The following POLI variants were observed in gnomAD, a reference collection of about 807,000 sequenced individuals.
POLI encodes DNA polymerase iota.
In POLI, 58 loss-of-function variants were observed where a neutral mutation model predicts 51.6. The ratio of observed to expected loss-of-function variants is 1.12; its 90% CI spans 0.91 to 1.40. POLI has a LOEUF of 1.40. Ranked by LOEUF, POLI falls within the 40% of genes most tolerant of loss-of-function variation. The probability of loss-of-function intolerance (pLI) is 0.00; values close to 1 mark genes in which losing one functional copy is unlikely to be tolerated. For missense variants in POLI, 921 were observed against 871.3 expected (o/e 1.06, Z -0.72); for synonymous variants, 322 against 299.7 (o/e 1.07, Z -0.77).
chr18:54,278,958 A>G (rs912200040), intron 4 of POLI, among the ~76,000 whole-genome samples: 1 of 152,244 alleles, frequency 6.6e-6, no homozygotes, highest in Admixed American at 6.5e-5. Flanking sequence ...CACAGTTTCT[A>G]GAATACATGG....
intron 7 of POLI, among the ~76,000 whole-genome samples, chr18:54,285,013 A>C (rs1362255033): frequency 6.6e-6 from 1 of 152,232 alleles, no homozygotes; most frequent in African/African-American, 2.4e-5. Context: ...AGGAGGACTA[A>C]CTGTATTTAG....
At chr18:54,285,521 A>AGT (rs61280100) in intron 7 of POLI, among the ~76,000 whole-genome samples, 23,429 of 144,532 alleles carry the variant, frequency 0.16, 2,001 homozygotes, top group Admixed American at 0.21. Context: ...AAATTACAGG[A>AGT]GTGTGTGTGT....
At chr18:54,313,986 T>C (rs1472525420) in intron 3 of POLI, among the ~76,000 whole-genome samples, 1 of 152,164 alleles carries the variant, frequency 6.6e-6, no homozygotes. Flanking sequence ...TCCAGTACTG[T>C]TGATTAGGAG....
chr18:54,304,301 G>T (rs1220745013), intron 3 of POLI, among the ~76,000 whole-genome samples: 1 of 152,102 alleles, frequency 6.6e-6, no homozygotes, highest in Non-Finnish European at 1.5e-5. Flanking sequence ...GGGTCAAATG[G>T]TATTTCTAGT....
intron 2 of POLI, 62 bp downstream of exon 2, chr18:54,271,547 C>A: frequency 9.1e-7 from 1 of 1,097,664 alleles, no homozygotes; most frequent in South Asian, 1.6e-5. Context: ...TCATCATGCT[C>A]ATTATATACT....
chr18:54,295,647 A>C lies in POLI; in HGVS notation c.*1180A>C. On this transcript the variant is annotated 3_prime_UTR_variant, in exon 10 of 10. Transcript: ENST00000579534. ...TCTTTTCTTTCTTTTTTTGTTTTGG[A>C]GACAGAGTCTCACTCTGTCGCCCAG... 1.9e-6 allele frequency: 1 copy of C among 520,016 alleles called. No homozygotes were observed. Among genetic ancestry groups the C allele is most frequent in the Non-Finnish European group, 2.5e-6 (1 of 405,744 alleles). The allele number at this position is 520,016 out of a possible 1,614,324, so 32.2% of individuals were successfully genotyped here.
At chr18:54,272,296 G>A (rs933916234) in intron 2 of POLI, 9 of 152,106 alleles carry the variant, frequency 5.9e-5, no homozygotes, top group African/African-American at 1.7e-4. Context: ...TAGAATCAGG[G>A]GACCTAAGTT....
chr18:54,271,588 G>T lies in POLI; in HGVS notation c.241+103G>T, dbSNP rs1299924425. The T allele has an allele frequency of 7.2e-6, 6 of 837,360 alleles. No homozygotes were observed. The African/African-American group carries it at 1.0e-4, about 14-fold the overall frequency. 51.9% of individuals were successfully genotyped at this position (837,360 alleles called of 1,614,324 possible). On this transcript the variant is annotated intron_variant, in intron 2 of 9. Coordinates refer to ENST00000579534, the MANE Select transcript of POLI (RefSeq NM_007195.3). ...ATTAACCTTATTAAGAAAGATTTTG[G>T]AAGCAGTTCTTACAGTGCTTTATAG...
chr18:54,274,723 A>G (rs1489772382), intron 3 of POLI, among the ~76,000 whole-genome samples: 4 of 152,164 alleles, frequency 2.6e-5, no homozygotes, highest in Non-Finnish European at 2.9e-5. Context: ...TGTGGCTTTC[A>G]CAATTACTTT....
chr18:54,277,048 G>T (rs868760987), intron 3 of POLI, among the ~76,000 whole-genome samples: 1 of 152,016 alleles, frequency 6.6e-6, no homozygotes, highest in Non-Finnish European at 1.5e-5. Context: ...AATTTATTTT[G>T]AATTTTGGTT....
chr18:54,295,206 A>G lies in POLI; in HGVS notation c.*739A>G, dbSNP rs998854531. On this transcript the variant is annotated 3_prime_UTR_variant, in exon 10 of 10. Coordinates refer to ENST00000579534, the MANE Select transcript of POLI (RefSeq NM_007195.3). The stretch of plus-strand genomic sequence containing the variant: ...AAGGCAAGGTGATGGGCCTATAAGC[A>G]TACTGGATAATGGAAGAAGTCCATT... 3.0e-6 allele frequency: 3 copies of G among 985,312 alleles called. No individual in the cohort carries two copies. Among genetic ancestry groups the G allele is most frequent in the Non-Finnish European group, 3.6e-6 (3 of 829,934 alleles). The allele number at this position is 985,312 out of a possible 1,614,324, so 61.0% of individuals were successfully genotyped here.
chr18:54,284,799 A>T (rs1321981965), intron 7 of POLI: 1 of 152,246 alleles, frequency 6.6e-6, no homozygotes, highest in Non-Finnish European at 1.5e-5. Context: ...ATATATGAGT[A>T]GTACAAGATA....
chr18:54,277,869 T>C lies in POLI; in HGVS notation c.559+14T>C. On this transcript the variant is annotated intron_variant, in intron 4 of 9. Transcript: ENST00000579534. ...ACAATAATCAGTGTGAGTGGGTTCT[T>C]ATTCATTCTACCTACTAACCAAAAG... The C allele has an allele frequency of 1.3e-6, 2 of 1,583,316 alleles. No individual in the cohort carries two copies. The highest frequency in any genetic ancestry group is 1.7e-6 in the Non-Finnish European group (2 of 1,160,186).
At position 54,277,826 on chromosome 18, in the gene POLI, CTG is replaced by C. The variant is rs1568122724; in HGVS notation, c.534_535del (p.Ser179GlyfsTer6). 1.2e-6 allele frequency: 2 copies of C among 1,612,826 alleles called. No homozygotes were observed. Among genetic ancestry groups the C allele is most frequent in the East Asian group, 2.2e-5 (1 of 44,862 alleles). On this transcript the variant is annotated frameshift_variant, in exon 4 of 10. Transcript: ENST00000579534. LOFTEE classifies it high-confidence loss of function. ...CAAAGTGATGAACTTTCTGCGGTGA[CTG>C]TGTCGGGTCATGTATACAATAATCA...
At chr18:54,317,437 G>C (rs978455564) in intron 3 of POLI, among the ~76,000 whole-genome samples, 2 of 152,008 alleles carry the variant, frequency 1.3e-5, no homozygotes, top group Non-Finnish European at 2.9e-5. Flanking sequence ...TTCATTATTA[G>C]AAAAAAATGA....
At chr18:54,306,910 C>T (rs1015070197) in intron 3 of POLI, among the ~76,000 whole-genome samples, 3 of 152,076 alleles carry the variant, frequency 2.0e-5, no homozygotes, top group Non-Finnish European at 2.9e-5. Flanking sequence ...TCTATGGGAT[C>T]GGTAGTGATA....
chr18:54,277,883 A>G (rs373392550), intron 4 of POLI, 28 bp downstream of exon 4: 8 of 1,530,958 alleles, frequency 5.2e-6, no homozygotes, highest in African/African-American at 1.4e-5. Flanking sequence ...CATTCTACCT[A>G]CTAACCAAAA....
At position 54,294,021 on chromosome 18, in the gene POLI, C is replaced by A; in HGVS notation, c.1777C>A (p.Gln593Lys). The A allele has an allele frequency of 6.2e-7, 1 of 1,613,536 alleles. No individual in the cohort carries two copies. Among genetic ancestry groups the A allele is most frequent in the Non-Finnish European group, 8.5e-7 (1 of 1,179,628 alleles). Residue 593 changes from glutamine to lysine, a missense_variant, in exon 10 of 10, where the codon CAG (glutamine) becomes AAG (lysine). Physicochemically the swap from Gln to Lys is moderately conservative, Grantham distance 53. Transcript: ENST00000579534. ...NPRDHLSSSK[Q>K]VSSVSPCEPG... ...TAGAGATCATTTATCCAGTAGCAAA[C>A]AGGTATCCTCTGTATCTCCTTGTGA...
chr18:54,295,127 A>G lies in POLI; in HGVS notation c.*660A>G. ...GAGGAGGGTATATGTTATAGAGAAC[A>G]GTGGTAGAAGGAACTCTCCGTGCAA... On this transcript the variant is annotated 3_prime_UTR_variant, in exon 10 of 10. Coordinates refer to ENST00000579534, the MANE Select transcript of POLI (RefSeq NM_007195.3). 1 of 985,454 alleles carries G rather than the reference A, an allele frequency of 1.0e-6. No homozygotes were observed. The highest frequency in any genetic ancestry group is 1.2e-6 in the Non-Finnish European group (1 of 829,940). The allele number at this position is 985,454 out of a possible 1,614,324, so 61.0% of individuals were successfully genotyped here.
Sources: allele counts gnomAD v4.1 joint callset (sites outside exome capture counted in the v4.1 genomes callset), GRCh38; gene constraint gnomAD v4.1.1; transcripts MANE v1.5; gene names NCBI Gene and HGNC (gene_info 2026-07-23, HGNC 2026-07-21).